SPIRE1: variants seen among roughly 807,000 people sequenced by gnomAD.
The protein encoded by SPIRE1 is protein spire homolog 1.
In SPIRE1, 40 loss-of-function variants were observed where a neutral mutation model predicts 94.1. The observed-to-expected ratio is 0.43, with a 90% CI of 0.33 to 0.55. The LOEUF is 0.55. Ranked by LOEUF, SPIRE1 falls within the 20% of genes least tolerant of loss-of-function variation. The probability of loss-of-function intolerance (pLI) is 0.06; values close to 1 mark genes in which losing one functional copy is unlikely to be tolerated. For missense variants in SPIRE1, 838 were observed against 975.2 expected, an observed-to-expected ratio of 0.86 and a Z score of 1.87; for synonymous variants, 376 against 371.7, an observed-to-expected ratio of 1.01 and a Z score of -0.13.
chr18:12,481,526 T>C (rs1048193597), intron 9 of SPIRE1, among the ~76,000 whole-genome samples: 3 of 149,960 alleles, frequency 2.0e-5, no homozygotes, highest in African/African-American at 7.4e-5. Context: ...CTAGAAATAA[T>C]GGAAGGAAAA....
rs558459432 is a variant in SPIRE1 at position 12,551,342 on chromosome 18, T to C, written c.373-4438A>G. On this transcript the variant is annotated intron_variant, in intron 2 of 16. Coordinates refer to ENST00000409402, the MANE Select transcript of SPIRE1 (RefSeq NM_001128626.2). The stretch of plus-strand genomic sequence containing the variant: ...AATACATCTACTTCTGAGTTCCTTT[T>C]TGTATATATAAAATAAAATATTTAG... Among the ~76,000 whole-genome samples the C allele has an allele frequency of 2.0e-5, 3 of 152,320 alleles. No homozygotes were observed. The East Asian group carries it at 5.8e-4, about 29-fold the overall frequency.
chr18:12,565,093 C>A (rs144648122), intron 2 of SPIRE1, among the ~76,000 whole-genome samples: 62 of 152,192 alleles, frequency 4.1e-4, no homozygotes, highest in African/African-American at 1.5e-3. Flanking sequence ...GAACATCGAG[C>A]ATGATAAATG....
chr18:12,605,915 C>A (rs1276451533), intron 2 of SPIRE1, among the ~76,000 whole-genome samples: 2 of 152,146 alleles, frequency 1.3e-5, no homozygotes, highest in Non-Finnish European at 2.9e-5. Context: ...CGCCACCTCC[C>A]CTAGCCACAC....
intron 1 of SPIRE1, among the ~76,000 whole-genome samples, chr18:12,636,980 A>G (rs907947520): frequency 9.2e-5 from 14 of 152,320 alleles, no homozygotes; most frequent in African/African-American, 3.4e-4. Flanking sequence ...ACAGTTACTG[A>G]GAGCCTACTC....
intron 2 of SPIRE1, among the ~76,000 whole-genome samples, chr18:12,615,443 G>A (rs1251855782): frequency 2.1e-5 from 3 of 140,054 alleles, no homozygotes; most frequent in African/African-American, 7.8e-5. Flanking sequence ...AGGAGGCTGA[G>A]GTAGGAGAAT....
intron 6 of SPIRE1, among the ~76,000 whole-genome samples, chr18:12,497,539 C>T (rs958275736): frequency 6.6e-6 from 1 of 152,096 alleles, no homozygotes; most frequent in African/African-American, 2.4e-5. Flanking sequence ...CATCCACTCT[C>T]CTCTTCCTCC....
rs2143458022 is a variant in SPIRE1, at chr18:12,447,938, G to A, written c.*1700C>T. On this transcript the variant is annotated 3_prime_UTR_variant, in exon 17 of 17. Transcript: ENST00000409402. ...TTATACTCCCACCTAACTGTCTGGA[G>A]TATAGAGTTCAGATAGTCTCTTAGG... The A allele has an allele frequency of 6.6e-6, 1 of 152,290 alleles. No homozygotes were observed. Among genetic ancestry groups the A allele is most frequent in the East Asian group, 1.9e-4 (1 of 5,180 alleles). 9.4% of individuals were successfully genotyped at this position (152,290 alleles called of 1,614,324 possible).
intron 1 of SPIRE1, among the ~76,000 whole-genome samples, chr18:12,644,257 TAAC>T (rs1356425585): frequency 6.6e-6 from 1 of 150,916 alleles, no homozygotes; most frequent in Non-Finnish European, 1.5e-5. Flanking sequence ...TTAAGGAACT[TAAC>T]AATTTCCCAT....
chr18:12,637,970 T>C (rs1193488373), intron 1 of SPIRE1, among the ~76,000 whole-genome samples: 2 of 152,246 alleles, frequency 1.3e-5, no homozygotes, highest in Non-Finnish European at 2.9e-5. Context: ...TCAATTTGAA[T>C]TGGTGAGTAA....
chr18:12,639,121 C>CA (rs910274673), intron 1 of SPIRE1, among the ~76,000 whole-genome samples: 2 of 149,524 alleles, frequency 1.3e-5, no homozygotes, highest in Non-Finnish European at 1.5e-5. Context: ...ATGCATTCCT[C>CA]AAAAAAAATT....
intron 3 of SPIRE1, among the ~76,000 whole-genome samples, chr18:12,541,785 T>C (rs1054284021): frequency 3.3e-5 from 5 of 152,074 alleles, no homozygotes; most frequent in African/African-American, 9.7e-5. Flanking sequence ...TAGAGTATTT[T>C]AGGCTAGTAC....
chr18:12,464,312 C>T (rs2143619947), intron 11 of SPIRE1, among the ~76,000 whole-genome samples: 1 of 151,776 alleles, frequency 6.6e-6, no homozygotes, highest in Admixed American at 6.6e-5. Context: ...AATAATAAAA[C>T]TACTTAAAGA....
chr18:12,575,918 T>C (rs57257133), intron 2 of SPIRE1, among the ~76,000 whole-genome samples: 3,255 of 152,276 alleles, frequency 0.021, 117 homozygotes, highest in African/African-American at 0.07. Context: ...AAAATGTATA[T>C]GGAGGCCAGA....
chr18:12,471,384 CTTTTTTT>C (rs975751031), intron 10 of SPIRE1, among the ~76,000 whole-genome samples: 7 of 137,650 alleles, frequency 5.1e-5, no homozygotes, highest in East Asian at 2.1e-4. Context: ...TGGTTTCTTT[CTTTTTTT>C]TTTTTTTTTG....
intron 4 of SPIRE1, among the ~76,000 whole-genome samples, chr18:12,523,030 C>T (rs963166578): frequency 1.3e-5 from 2 of 152,082 alleles, no homozygotes; most frequent in African/African-American, 4.8e-5. Flanking sequence ...TGGGTTTGGG[C>T]AAAGCACATT....
chr18:12,631,450 A>G (rs1163739626), intron 2 of SPIRE1, among the ~76,000 whole-genome samples: 2 of 140,410 alleles, frequency 1.4e-5, no homozygotes, highest in Non-Finnish European at 3.0e-5. Context: ...GGTGCCTCAC[A>G]TTTATAATCC....
chr18:12,461,414 A>G (rs1042617876), intron 12 of SPIRE1, among the ~76,000 whole-genome samples: 25 of 140,042 alleles, frequency 1.8e-4, no homozygotes, highest in South Asian at 7.4e-4. Context: ...ATACACATGT[A>G]TGTGTGTGTG....
chr18:12,624,133 G>A (rs2037553516), intron 2 of SPIRE1, among the ~76,000 whole-genome samples: 1 of 150,834 alleles, frequency 6.6e-6, no homozygotes, highest in South Asian at 2.1e-4. Flanking sequence ...ATGTTGATCA[G>A]CTGGTCTCGA....
chr18:12,550,845 G>A (rs560738636), intron 2 of SPIRE1, among the ~76,000 whole-genome samples: 10 of 152,034 alleles, frequency 6.6e-5, no homozygotes, highest in East Asian at 5.8e-4. Context: ...CACTTCTTCC[G>A]TTCTAAACAC....
Sources: allele counts gnomAD v4.1 joint callset (sites outside exome capture counted in the v4.1 genomes callset), GRCh38; gene constraint gnomAD v4.1.1; transcripts MANE v1.5; gene names NCBI Gene and HGNC (gene_info 2026-07-23, HGNC 2026-07-21).